The following ITFG1 variants were observed in gnomAD, a reference collection of about 807,000 sequenced individuals.
ITFG1 encodes T-cell immunomodulatory protein.
Under a neutral mutation model 81.8 loss-of-function variants are expected in ITFG1, and 34 were observed. The ratio of observed to expected loss-of-function variants is 0.42; its 90% CI spans 0.32 to 0.55. The LOEUF (loss-of-function observed/expected upper bound fraction) is 0.55, where lower values mean the gene tolerates loss of function less well. Among genes scored for constraint, ITFG1 ranks in the 20% least tolerant of loss-of-function variants. The probability of loss-of-function intolerance (pLI) is 0.17; values close to 1 mark genes in which losing one functional copy is unlikely to be tolerated. For synonymous variants in ITFG1, 285 were observed against 270.6 expected (o/e 1.05, Z -0.52); for missense variants, 672 against 755.4 (o/e 0.89, Z 1.29).
At chr16:47,201,708 G>A (rs896149946) in intron 14 of ITFG1, among the ~76,000 whole-genome samples, 1 of 152,042 alleles carries the variant, frequency 6.6e-6, no homozygotes, top group Admixed American at 6.6e-5. Context: ...TATTTCACAT[G>A]GGCACTCTAT....
intron 10 of ITFG1, 49 bp from the exon 11 acceptor site, chr16:47,260,744 G>A: frequency 6.3e-7 from 1 of 1,581,398 alleles, no homozygotes; most frequent in Admixed American, 1.7e-5. Flanking sequence ...TCAACACTGT[G>A]GCATCGGCTC....
At chr16:47,442,560 C>T (rs1246532351) in intron 5 of ITFG1, among the ~76,000 whole-genome samples, 4 of 152,084 alleles carry the variant, frequency 2.6e-5, no homozygotes, top group Non-Finnish European at 5.9e-5. Flanking sequence ...GAAATATAGA[C>T]CAATGGAACA....
intron 5 of ITFG1, among the ~76,000 whole-genome samples, chr16:47,433,500 A>G (rs1969119043): frequency 6.6e-6 from 1 of 152,022 alleles, no homozygotes; most frequent in African/African-American, 2.4e-5. Flanking sequence ...AACAAATATG[A>G]ATTTGCCACT....
At chr16:47,217,378 G>A (rs113114003) in intron 14 of ITFG1, among the ~76,000 whole-genome samples, 9 of 152,106 alleles carry the variant, frequency 5.9e-5, no homozygotes, top group Non-Finnish European at 1.0e-4. Flanking sequence ...GGCTCTGCCC[G>A]AGTTATACTA....
chr16:47,391,322 C>T (rs1278960971), intron 6 of ITFG1, among the ~76,000 whole-genome samples: 1 of 152,138 alleles, frequency 6.6e-6, no homozygotes, highest in East Asian at 1.9e-4. Flanking sequence ...TATATAAAGA[C>T]ACCTATATTT....
intron 6 of ITFG1, among the ~76,000 whole-genome samples, chr16:47,401,879 C>G (rs941407209): frequency 6.6e-6 from 1 of 152,044 alleles, no homozygotes; most frequent in African/African-American, 2.4e-5. Flanking sequence ...TTTTTTCACT[C>G]TGGCATCAGC....
chr16:47,325,368 A>C (rs1353587149), intron 8 of ITFG1, among the ~76,000 whole-genome samples: 1 of 152,244 alleles, frequency 6.6e-6, no homozygotes, highest in African/African-American at 2.4e-5. Flanking sequence ...CACATGAGAA[A>C]GCAGGAAAGA....
At chr16:47,369,446 G>A (rs1300616515) in intron 7 of ITFG1, among the ~76,000 whole-genome samples, 1 of 152,230 alleles carries the variant, frequency 6.6e-6, no homozygotes, top group Non-Finnish European at 1.5e-5. Flanking sequence ...AAAGGCAACA[G>A]TGTTCTGCAA....
chr16:47,273,527 T>C (rs528809889), intron 10 of ITFG1, among the ~76,000 whole-genome samples: 69 of 152,282 alleles, frequency 4.5e-4, no homozygotes, highest in African/African-American at 1.6e-3. Flanking sequence ...ATATTCACAA[T>C]AAAGTTCACT....
chr16:47,355,166 A>G (rs961387737), intron 8 of ITFG1, among the ~76,000 whole-genome samples: 1 of 151,616 alleles, frequency 6.6e-6, no homozygotes, highest in Admixed American at 6.6e-5. Flanking sequence ...ATGAATGGAT[A>G]AAAAAAAATG....
chr16:47,228,242 A>T (rs1965777554), intron 13 of ITFG1, among the ~76,000 whole-genome samples: 1 of 152,270 alleles, frequency 6.6e-6, no homozygotes, highest in Admixed American at 6.5e-5. Context: ...AATGTCAAAT[A>T]AATCAGTTAT....
At chr16:47,438,269 A>C (rs1050739959) in intron 5 of ITFG1, among the ~76,000 whole-genome samples, 1 of 152,254 alleles carries the variant, frequency 6.6e-6, no homozygotes, top group Non-Finnish European at 1.5e-5. Flanking sequence ...GGCAGGGCAC[A>C]GACAAACAAA....
At chr16:47,333,091 T>C (rs1967656504) in intron 8 of ITFG1, among the ~76,000 whole-genome samples, 1 of 152,158 alleles carries the variant, frequency 6.6e-6, no homozygotes, top group South Asian at 2.1e-4. Flanking sequence ...TTTTTTCTAT[T>C]CCTATACACA....
intron 13 of ITFG1, among the ~76,000 whole-genome samples, chr16:47,224,168 C>A (rs1310114206): frequency 6.6e-6 from 1 of 152,064 alleles, no homozygotes; most frequent in East Asian, 1.9e-4. Flanking sequence ...ACATATGTAA[C>A]AAACCTGCAC....
intron 10 of ITFG1, among the ~76,000 whole-genome samples, chr16:47,307,552 A>C (rs1967189531): frequency 6.6e-6 from 1 of 152,224 alleles, no homozygotes; most frequent in East Asian, 1.9e-4. Context: ...AGTGAAGGCA[A>C]GCGAACGTAG....
chr16:47,390,453 TTTA>T (rs1968515921), intron 6 of ITFG1, among the ~76,000 whole-genome samples: 1 of 152,048 alleles, frequency 6.6e-6, no homozygotes, highest in South Asian at 2.1e-4. Context: ...ATAATTCTTG[TTTA>T]TTATTATTTA....
At chr16:47,448,604 A>ATTTTTTTTTTTT (rs34421476) in intron 5 of ITFG1, 1 of 128,210 alleles carries the variant, frequency 7.8e-6, no homozygotes, top group Non-Finnish European at 1.6e-5. Flanking sequence ...GAGTCAGAAA[A>ATTTTTTTTTTTT]TTTTTTTTTT....
chr16:47,159,058 C>A (rs1964759893), intron 16 of ITFG1, 68 bp from the exon 17 acceptor site: 1 of 732,480 alleles, frequency 1.4e-6, no homozygotes, highest in Non-Finnish European at 2.2e-6. Context: ...TATATTGAGA[C>A]CCCAAAGCAA....
chr16:47,164,180 CTT>C (rs77652330), intron 14 of ITFG1, among the ~76,000 whole-genome samples: 27 of 136,334 alleles, frequency 2.0e-4, no homozygotes, highest in Admixed American at 3.6e-4. Context: ...TGTTTAGTGA[CTT>C]TTTTTTTTTT....
Sources: gnomAD v4.1 joint callset for allele counts (sites outside exome capture counted in the v4.1 genomes callset) on GRCh38, gnomAD v4.1.1 for gene constraint, MANE v1.5 for transcripts, NCBI Gene and HGNC (gene_info 2026-07-23, HGNC 2026-07-21) for gene names.